NAP1L4: variants seen among roughly 807,000 people sequenced by gnomAD.
The protein encoded by NAP1L4 is nucleosome assembly protein 1-like 4.
A neutral mutation model predicts 58.2 loss-of-function variants in NAP1L4; 15 were observed. The observed-to-expected ratio is 0.26, with a 90% CI of 0.17 to 0.40. The LOEUF (loss-of-function observed/expected upper bound fraction) is 0.40. NAP1L4 is among the 10% of genes least tolerant of loss of function. The pLI, the probability that NAP1L4 is intolerant of heterozygous loss-of-function variation, is 1.00. For synonymous variants in NAP1L4, 171 were observed against 155.6 expected (o/e 1.10, Z -0.74); for missense variants, 384 against 451.1 (o/e 0.85, Z 1.35).
intron 3 of NAP1L4, 122 bp downstream of exon 3, chr11:2,978,162 A>G (rs772919330): frequency 4.9e-5 from 42 of 865,662 alleles, no homozygotes; most frequent in Non-Finnish European, 7.1e-5. Flanking sequence ...TTTCATTTTA[A>G]TTACTCTAGC....
At chr11:2,962,395 G>A (rs543990645) in intron 8 of NAP1L4, among the ~76,000 whole-genome samples, 120 of 152,338 alleles carry the variant, frequency 7.9e-4, no homozygotes, top group African/African-American at 2.8e-3. Flanking sequence ...GGAGCCGTGT[G>A]GCACACGTGT....
Position 2,945,447 on chromosome 11 carries a change from A to G in NAP1L4, c.*232T>C, listed in dbSNP as rs752532142. On this transcript the variant is annotated 3_prime_UTR_variant, in exon 16 of 16. Transcript: ENST00000380542. ...GTTGCCACTGTACAAGTTAAGCAAA[A>G]TAATAAGGAAAAAGGAAAAGTGAAA... 8.9e-6 allele frequency: 6 copies of G among 676,844 alleles called. No homozygotes were observed. Among genetic ancestry groups the G allele is most frequent in the Non-Finnish European group, 1.5e-5 (6 of 408,882 alleles). 41.9% of individuals were successfully genotyped at this position (676,844 alleles called of 1,614,324 possible).
In NAP1L4 at chr11:2,971,345, T is replaced by C; in HGVS notation, c.402+103A>G. 1.0e-6 allele frequency: 1 copy of C among 958,976 alleles called. No individual in the cohort carries two copies. The highest frequency in any genetic ancestry group is 1.5e-5 in the South Asian group (1 of 66,922). The allele number at this position is 958,976 out of a possible 1,614,324, so 59.4% of individuals were successfully genotyped here. A position where few individuals can be genotyped will look rare whatever the true frequency, so the allele number is the denominator to read the frequency against. On this transcript the variant is annotated intron_variant, in intron 6 of 15. Transcript: ENST00000380542. This position sits in a 1 kb window ranked among gnomAD's most constrained non-coding sequence, Gnocchi z 4.2. ...AACCTAATGATGCAGCAGCACCTAC[T>C]GTTAGAAGCACATAAGTTTACTAGT...
At chr11:2,978,940 A>G (rs1335009222) in intron 2 of NAP1L4, among the ~76,000 whole-genome samples, 1 of 151,812 alleles carries the variant, frequency 6.6e-6, no homozygotes, top group Non-Finnish European at 1.5e-5. Flanking sequence ...GAGAGTGTCA[A>G]AATTACCTAA....
At chr11:2,945,693 T>C in intron 15 of NAP1L4, 47 bp from the exon 16 acceptor site, 1 of 1,473,280 alleles carries the variant, frequency 6.8e-7, no homozygotes, top group African/African-American at 1.4e-5. Flanking sequence ...GCCAGCTCCA[T>C]TCACCAATTA....
Position 2,951,808 on chromosome 11 carries a change from A to C in NAP1L4, c.1037T>G (p.Phe346Cys). Reference protein sequence around the residue: ...TGEAIEDDDNFEEGEEGEEEE... With the variant: ...TGEAIEDDDNCEEGEEGEEEE... Reference sequence around the variant, plus strand: ...CTCTTCTCCTTCTTCACCTTCTTCAAACTGGAGAAACACAGAAAAACATTT... The same window carrying C: ...CTCTTCTCCTTCTTCACCTTCTTCACACTGGAGAAACACAGAAAAACATTT... Residue 346 changes from phenylalanine to cysteine, a missense_variant and splice_region_variant, in exon 13 of 16, where the codon TTT becomes TGT. By Grantham distance (205) the Phe-to-Cys change is radical (BLOSUM62 -2). Coordinates refer to ENST00000380542, the MANE Select transcript of NAP1L4 (RefSeq NM_005969.4). The surrounding 1 kb of genome is among the most constrained non-coding windows in gnomAD (Gnocchi z 4.0). 6.2e-7 allele frequency: 1 copy of C among 1,614,072 alleles called. No individual in the cohort carries two copies. Among genetic ancestry groups the C allele is most frequent in the Admixed American group, 1.7e-5 (1 of 60,012 alleles).
chr11:2,945,482 A>G lies in NAP1L4; in HGVS notation c.*197T>C. ...AAAAGGAAAAGTGAAAGTGAAAATC[A>G]TGCACTTGAAAACGAGTTAGATGGA... is the stretch of plus-strand genomic sequence containing the variant. On this transcript the variant is annotated 3_prime_UTR_variant, in exon 16 of 16. Transcript: ENST00000380542. 4.0e-6 allele frequency: 3 copies of G among 757,222 alleles called. No homozygotes were observed. Among genetic ancestry groups the G allele is most frequent in the Non-Finnish European group, 6.2e-6 (3 of 482,330 alleles). 46.9% of individuals were successfully genotyped at this position (757,222 alleles called of 1,614,324 possible). A position where few individuals can be genotyped will look rare whatever the true frequency, so the allele number is the denominator to read the frequency against.
chr11:2,963,724 A>G (rs1042974609), intron 8 of NAP1L4: 4 of 518,496 alleles, frequency 7.7e-6, no homozygotes, highest in Non-Finnish European at 1.5e-5. Context: ...GGCCCCTACC[A>G]CCATCACCCA....
At chr11:2,952,958 C>T (rs200208191) in intron 12 of NAP1L4, among the ~76,000 whole-genome samples, 3 of 151,896 alleles carry the variant, frequency 2.0e-5, no homozygotes, top group Non-Finnish European at 4.4e-5. Flanking sequence ...TAGTAAAACA[C>T]TTTATGCCAA....
chr11:2,986,919 G>GCACCCA (rs1241231867), intron 1 of NAP1L4, among the ~76,000 whole-genome samples: 1 of 36,320 alleles, frequency 2.8e-5, no homozygotes, highest in Non-Finnish European at 4.7e-5. Context: ...ATGAGCCACC[G>GCACCCA]CACTCTAAGA....
intron 8 of NAP1L4, among the ~76,000 whole-genome samples, chr11:2,963,491 C>A (rs1019359849): frequency 2.6e-5 from 4 of 152,182 alleles, no homozygotes; most frequent in Non-Finnish European, 4.4e-5. Context: ...CCCAGGGCCC[C>A]ACCTAGAGAG....
intron 7 of NAP1L4, among the ~76,000 whole-genome samples, chr11:2,969,137 C>T (rs1847479277): frequency 6.6e-6 from 1 of 151,792 alleles, no homozygotes; most frequent in Non-Finnish European, 1.5e-5. Flanking sequence ...ACCACAGGCG[C>T]ACACCACAAC....
Position 2,964,709 on chromosome 11 carries a change from CTTT to C in NAP1L4, c.574_576del (p.Lys192del). The C allele has an allele frequency of 6.2e-7, 1 of 1,613,978 alleles. No homozygotes were observed. The highest frequency in any genetic ancestry group is 1.1e-5 in the South Asian group (1 of 91,066). On this transcript the variant is annotated inframe_deletion, in exon 8 of 16. Coordinates refer to ENST00000380542, the MANE Select transcript of NAP1L4 (RefSeq NM_005969.4). ...GGCTGTCCAGGGTCAGAAAATTTCA[CTTT>C]AATATCCTGCAGGTGTTTCAAGATT...
chr11:2,948,514 G>T lies in NAP1L4; in HGVS notation c.*32+713C>A, dbSNP rs987282237. Among the ~76,000 whole-genome samples the T allele has an allele frequency of 6.6e-6, 1 of 152,116 alleles. No individual in the cohort carries two copies. Among genetic ancestry groups the T allele is most frequent in the Non-Finnish European group, 1.5e-5 (1 of 68,032 alleles). ...CGGGCAAGAGCCTCTGTCTACTTACGGCCTCCTGTCAGCATTCCAGGACAG... is the reference window on the plus strand; with the variant it reads ...CGGGCAAGAGCCTCTGTCTACTTACTGCCTCCTGTCAGCATTCCAGGACAG... On this transcript the variant is annotated intron_variant, in intron 15 of 15. Coordinates refer to ENST00000380542, the MANE Select transcript of NAP1L4 (RefSeq NM_005969.4). The surrounding 1 kb of genome is among the most constrained non-coding windows in gnomAD (Gnocchi z 5.1).
rs141320125 is a variant in NAP1L4, at chr11:2,976,589, T to C, written c.74-466A>G. 1.6e-3 allele frequency among the ~76,000 whole-genome samples: 251 copies of C among 152,358 alleles called. 1 individual carries two copies. The highest frequency in any genetic ancestry group is 5.7e-3 in the African/African-American group (235 of 41,584). ...CAGTCCAGGAGAGCCCAAGGCTCAC[T>C]AGCTCTCTGCCAGCACTGTTCCCTA... On this transcript the variant is annotated intron_variant, in intron 3 of 15. Coordinates refer to ENST00000380542, the MANE Select transcript of NAP1L4 (RefSeq NM_005969.4).
Position 2,981,293 on chromosome 11 carries a change from G to A in NAP1L4, c.-17-2056C>T, listed in dbSNP as rs189177816. Among the ~76,000 whole-genome samples the A allele has an allele frequency of 1.3e-3, 191 of 150,486 alleles. 2 individuals carry two copies. The highest frequency in any genetic ancestry group is 4.4e-3 in the African/African-American group (182 of 41,072). On this transcript the variant is annotated intron_variant, in intron 1 of 15. Transcript: ENST00000380542. ...GACACAGCGGCTGATACCTCTGGTCGCAGCTACTTGAGAGGCTGAGACAGA... is the reference window on the plus strand; with the variant it reads ...GACACAGCGGCTGATACCTCTGGTCACAGCTACTTGAGAGGCTGAGACAGA...
chr11:2,986,889 A>C (rs1025281821), intron 1 of NAP1L4, among the ~76,000 whole-genome samples: 1 of 146,044 alleles, frequency 6.8e-6, no homozygotes, highest in Non-Finnish European at 1.5e-5. Context: ...TCAACCTCCC[A>C]AAGTGCTGGG....
Position 2,952,053 on chromosome 11 carries a change from T to G in NAP1L4, c.1036-244A>C, listed in dbSNP as rs541026775. On this transcript the variant is annotated intron_variant, in intron 12 of 15. Coordinates refer to ENST00000380542, the MANE Select transcript of NAP1L4 (RefSeq NM_005969.4). ...AGGATAGGAAGCTGGTCAGCCAGGGTGTACCCTGGACACAGCTGGGAACCT... is the reference window on the plus strand; with the variant it reads ...AGGATAGGAAGCTGGTCAGCCAGGGGGTACCCTGGACACAGCTGGGAACCT... 38 of 593,320 alleles carry G rather than the reference T, an allele frequency of 6.4e-5. No individual in the cohort carries two copies. In the South Asian group the frequency reaches 7.4e-4, roughly 12 times the overall value. The allele number at this position is 593,320 out of a possible 1,614,324, so 36.8% of individuals were successfully genotyped here.
intron 1 of NAP1L4, among the ~76,000 whole-genome samples, chr11:2,983,242 CTGTG>C (rs1197911629): frequency 6.6e-6 from 1 of 152,176 alleles, no homozygotes; most frequent in East Asian, 1.9e-4. Context: ...CATAAACCAC[CTGTG>C]TTAGGACATG....
Sources: gnomAD v4.1 joint callset for allele counts (sites outside exome capture counted in the v4.1 genomes callset) on GRCh38, gnomAD v4.1.1 for gene constraint, Gnocchi (gnomAD v3.1) non-coding constraint, MANE v1.5 for transcripts, NCBI Gene and HGNC (gene_info 2026-07-23, HGNC 2026-07-21) for gene names.